The following ZNF345 variants were observed in gnomAD, a reference collection of about 807,000 sequenced individuals.
The protein encoded by ZNF345 is zinc finger protein 345.
For missense variants in ZNF345, 527 were observed against 589.9 expected, an observed-to-expected ratio of 0.89 and a Z score of 1.10; for synonymous variants, 166 against 187.9, an observed-to-expected ratio of 0.88 and a Z score of 0.95.
At chr19:36,868,772 C>T (rs1348368343) in intron 2 of ZNF345, among the ~76,000 whole-genome samples, 1 of 151,588 alleles carries the variant, frequency 6.6e-6, no homozygotes, top group African/African-American at 2.4e-5. Flanking sequence ...ATTACAGGTG[C>T]GTGCCACCAC....
chr19:36,870,379 T>G (rs1485209949), intron 2 of ZNF345, among the ~76,000 whole-genome samples: 1 of 152,196 alleles, frequency 6.6e-6, no homozygotes, highest in Admixed American at 6.5e-5. Flanking sequence ...ATCTCTTCTA[T>G]GATCCTTTTT....
chr19:36,852,423 C>T lies in ZNF345; in HGVS notation c.-47+519C>T, dbSNP rs150185513. On this transcript the variant is annotated intron_variant, in intron 2 of 2. Transcript: ENST00000420450. ...GTCAAGAGATCAAGATCATCCTGGC[C>T]AACATGAGGAAACCCCGTCTCTACT... Among the ~76,000 whole-genome samples, 972 of 151,922 alleles carry T rather than the reference C, an allele frequency of 6.4e-3. 4 individuals are homozygous for T. The highest frequency in any genetic ancestry group is 0.017 in the South Asian group (81 of 4,820).
At chr19:36,856,504 A>G (rs961515491) in intron 2 of ZNF345, among the ~76,000 whole-genome samples, 1 of 152,098 alleles carries the variant, frequency 6.6e-6, no homozygotes, top group Non-Finnish European at 1.5e-5. Context: ...CGCCTGAACC[A>G]TGTTTAGATT....
chr19:36,855,419 A>G (rs2072392037), intron 2 of ZNF345, among the ~76,000 whole-genome samples: 1 of 127,092 alleles, frequency 7.9e-6, no homozygotes, highest in African/African-American at 3.0e-5. Flanking sequence ...AAGTGCTGGG[A>G]TTACAGGCGT....
intron 2 of ZNF345, among the ~76,000 whole-genome samples, chr19:36,859,377 A>G (rs1431863093): frequency 6.6e-6 from 1 of 151,970 alleles, no homozygotes; most frequent in Admixed American, 6.6e-5. Context: ...GCTGGTCTCA[A>G]ACTCCTGACC....
chr19:36,862,550 G>A (rs897205562), intron 2 of ZNF345, among the ~76,000 whole-genome samples: 2 of 150,910 alleles, frequency 1.3e-5, no homozygotes, highest in South Asian at 4.2e-4. Context: ...TGTAGGCCCA[G>A]CCACTTGGGA....
intron 3 of ZNF345, among the ~76,000 whole-genome samples, chr19:36,884,626 C>T (rs554719583): frequency 6.6e-6 from 1 of 152,244 alleles, no homozygotes; most frequent in East Asian, 1.9e-4. Context: ...GTCTTTCTGC[C>T]CTTCTTGCTG....
At chr19:36,874,003 A>T (rs927321901) in intron 2 of ZNF345, among the ~76,000 whole-genome samples, 1 of 152,124 alleles carries the variant, frequency 6.6e-6, no homozygotes, top group East Asian at 1.9e-4. Context: ...AAGAAGCTGT[A>T]TGCTATATAT....
At chr19:36,889,360 A>G (rs371376998) in intron 3 of ZNF345, 1 of 152,294 alleles carries the variant, frequency 6.6e-6, no homozygotes, top group African/African-American at 2.4e-5. Context: ...TAGTTTCAAT[A>G]GTGCTGTTAC....
Position 36,877,122 on chromosome 19 carries a change from GC to G in ZNF345, c.294del (p.Phe99LeufsTer107). 6.2e-7 allele frequency: 1 copy of G among 1,614,080 alleles called. No individual in the cohort carries two copies. Among genetic ancestry groups the G allele is most frequent in the African/African-American group, 1.3e-5 (1 of 75,030 alleles). On this transcript the variant is annotated frameshift_variant, in exon 3 of 3. Coordinates refer to ENST00000420450, the MANE Select transcript of ZNF345 (RefSeq NM_001242472.2). LOFTEE classifies it low-confidence loss of function (END_TRUNC). Reference protein sequence around the residue: ...KPYECKECGKAFGSGANLAYH... With the variant: ...KPYECKECGKXFGSGANLAYH... ...TTATGAATGCAAAGAATGTGGCAAG[GC>G]CTTTGGTAGTGGTGCAAACCTTGCT...
At chr19:36,871,300 A>G (rs1600709358) in intron 2 of ZNF345, among the ~76,000 whole-genome samples, 1 of 152,202 alleles carries the variant, frequency 6.6e-6, no homozygotes, top group Non-Finnish European at 1.5e-5. Flanking sequence ...ATTGATAACT[A>G]AAGTTCAACA....
chr19:36,881,870 A>G (rs1483145074), downstream of ZNF345, among the ~76,000 whole-genome samples: 1 of 152,118 alleles, frequency 6.6e-6, no homozygotes, highest in East Asian at 1.9e-4. Flanking sequence ...CTGATAAACT[A>G]CTTCATCAAT....
upstream of ZNF345, chr19:36,850,517 T>C: frequency 6.6e-6 from 1 of 152,230 alleles, no homozygotes; most frequent in East Asian, 1.9e-4. Flanking sequence ...TAAGAGGAAG[T>C]TAAGTATCAA....
chr19:36,876,149 T>G (rs2072877356), intron 2 of ZNF345, among the ~76,000 whole-genome samples: 1 of 152,188 alleles, frequency 6.6e-6, no homozygotes, highest in Admixed American at 6.5e-5. Flanking sequence ...CAAACTTATT[T>G]CTTAAATGGC....
intron 3 of ZNF345, among the ~76,000 whole-genome samples, chr19:36,887,791 T>G (rs905569223): frequency 8.5e-5 from 13 of 152,210 alleles, no homozygotes; most frequent in African/African-American, 3.1e-4. Flanking sequence ...TGGCACACTC[T>G]ACTTATTGGG....
rs889554322 is a variant in ZNF345, at chr19:36,886,498, C to A, written c.47-6320C>A. Among the ~76,000 whole-genome samples the A allele has an allele frequency of 2.0e-5, 3 of 152,290 alleles. No individual in the cohort carries two copies. The South Asian group carries it at 6.2e-4, about 32-fold the overall frequency. ...GAGAAAAACATCAGTCAGATCTTAG[C>A]GGAGGAACATTCTACGCTATACTGA... On this transcript the variant is annotated intron_variant, in intron 3 of 3. Coordinates refer to the ZNF345 transcript ENST00000526123.
chr19:36,870,000 C>T (rs936811620), intron 2 of ZNF345, among the ~76,000 whole-genome samples: 6 of 152,086 alleles, frequency 3.9e-5, no homozygotes, highest in South Asian at 4.1e-4. Flanking sequence ...AGGCTGGTTT[C>T]GAACTCCTGA....
intron 3 of ZNF345, chr19:36,891,624 A>G: frequency 6.2e-7 from 1 of 1,613,676 alleles, no homozygotes; most frequent in Non-Finnish European, 8.5e-7. Flanking sequence ...AGCCTTTATT[A>G]AAGGCCTTCC....
chr19:36,851,078 G>A (rs2072250530), intron 1 of ZNF345, 110 bp downstream of exon 1: 1 of 152,922 alleles, frequency 6.5e-6, no homozygotes, highest in East Asian at 1.9e-4. Flanking sequence ...TTGTGACTGG[G>A]GGCGTGTGTC....
Sources: gnomAD v4.1 joint callset for allele counts (sites outside exome capture counted in the v4.1 genomes callset) on GRCh38, gnomAD v4.1.1 for gene constraint, MANE v1.5 for transcripts, NCBI Gene and HGNC (gene_info 2026-07-23, HGNC 2026-07-21) for gene names.